The following RALYL variants were observed in gnomAD, a reference collection of about 807,000 sequenced individuals.
RALYL encodes RALY RNA binding protein like.
RALYL carries 29 observed loss-of-function variants against 35.1 expected under a neutral mutation model. The ratio of observed to expected loss-of-function variants is 0.83; its 90% CI spans 0.61 to 1.13. The LOEUF is 1.13. Among genes scored for constraint, RALYL ranks in the 50% most tolerant of loss-of-function variants. The pLI is 0.00. For missense variants in RALYL, 359 were observed against 360.4 expected (o/e 1.00, Z 0.03); for synonymous variants, 120 against 127.6 (o/e 0.94, Z 0.40).
At chr8:84,235,870 G>A (rs1034308413) in intron 1 of RALYL, among the ~76,000 whole-genome samples, 6 of 149,866 alleles carry the variant, frequency 4.0e-5, no homozygotes, top group East Asian at 2.0e-4. Flanking sequence ...TGGTTCAAGC[G>A]ATTCTCCTGC....
chr8:84,233,020 A>G (rs1476401339), intron 1 of RALYL, among the ~76,000 whole-genome samples: 4 of 151,916 alleles, frequency 2.6e-5, no homozygotes, highest in Non-Finnish European at 4.4e-5. Context: ...TTGCTTTGCC[A>G]TCCAGACTAG....
chr8:84,600,637 C>A (rs1588438505), intron 2 of RALYL, among the ~76,000 whole-genome samples: 1 of 152,112 alleles, frequency 6.6e-6, no homozygotes, highest in Non-Finnish European at 1.5e-5. Flanking sequence ...GGACTCTGTG[C>A]ACAGCCCATC....
At chr8:84,877,911 T>TAAAG in intron 7 of RALYL, among the ~76,000 whole-genome samples, 1 of 152,272 alleles carries the variant, frequency 6.6e-6, no homozygotes, top group East Asian at 1.9e-4. Context: ...TGCTTCCGGT[T>TAAAG]AAAGATGATG....
At chr8:84,680,567 T>C (rs1835238295) in intron 2 of RALYL, among the ~76,000 whole-genome samples, 1 of 152,188 alleles carries the variant, frequency 6.6e-6, no homozygotes, top group African/African-American at 2.4e-5. Flanking sequence ...GGTATCTCAT[T>C]GTGGTTTTGA....
intron 1 of RALYL, among the ~76,000 whole-genome samples, chr8:84,445,662 A>G (rs2048774215): frequency 6.6e-6 from 1 of 151,508 alleles, no homozygotes. Flanking sequence ...ATAATGAATT[A>G]TATTATAACA....
At chr8:84,434,408 C>CT (rs1354412372) in intron 1 of RALYL, among the ~76,000 whole-genome samples, 39 of 152,064 alleles carry the variant, frequency 2.6e-4, no homozygotes, top group Admixed American at 7.2e-4. Context: ...AGATTCTTAG[C>CT]TAAGGAACTA....
At chr8:84,358,175 C>G (rs534174224) in intron 1 of RALYL, among the ~76,000 whole-genome samples, 1 of 151,898 alleles carries the variant, frequency 6.6e-6, no homozygotes, top group East Asian at 1.9e-4. Flanking sequence ...ATATTTTATT[C>G]ATTGTTTTTT....
At chr8:84,327,560 T>A (rs1207139993) in intron 1 of RALYL, among the ~76,000 whole-genome samples, 1 of 152,152 alleles carries the variant, frequency 6.6e-6, no homozygotes, top group Non-Finnish European at 1.5e-5. Flanking sequence ...CACAATCACA[T>A]CCAGTTGTTT....
chr8:84,282,317 G>A (rs1322686575), intron 1 of RALYL, among the ~76,000 whole-genome samples: 1 of 151,572 alleles, frequency 6.6e-6, no homozygotes, highest in African/African-American at 2.4e-5. Flanking sequence ...CCAGGTCAGG[G>A]GTCCTTATTA....
chr8:84,461,208 A>G (rs2050733524), intron 1 of RALYL, among the ~76,000 whole-genome samples: 1 of 151,572 alleles, frequency 6.6e-6, no homozygotes, highest in African/African-American at 2.4e-5. Context: ...ATAGTTTGCA[A>G]TGAAATATAA....
chr8:84,281,761 C>A (rs1292109603), intron 1 of RALYL, among the ~76,000 whole-genome samples: 1 of 146,176 alleles, frequency 6.8e-6, no homozygotes, highest in Admixed American at 6.7e-5. Context: ...TGTGTGTGCA[C>A]CCATGTATAT....
intron 2 of RALYL, among the ~76,000 whole-genome samples, chr8:84,757,538 A>C (rs1294280819): frequency 6.6e-6 from 1 of 152,162 alleles, no homozygotes; most frequent in East Asian, 1.9e-4. Flanking sequence ...TTAGCTATGC[A>C]GGGGCGGCGA....
At chr8:84,620,487 A>G (rs2131056033) in intron 2 of RALYL, among the ~76,000 whole-genome samples, 1 of 152,118 alleles carries the variant, frequency 6.6e-6, no homozygotes, top group East Asian at 1.9e-4. Context: ...TTCTAGTTAT[A>G]CATTCTTCTA....
At chr8:84,655,698 A>AT (rs1194779638) in intron 2 of RALYL, among the ~76,000 whole-genome samples, 2 of 151,564 alleles carry the variant, frequency 1.3e-5, no homozygotes, top group Admixed American at 6.6e-5. Flanking sequence ...TGTCAAATGG[A>AT]TTTTTTGTTT....
chr8:84,725,662 A>G (rs1411679674), intron 2 of RALYL, among the ~76,000 whole-genome samples: 1 of 151,650 alleles, frequency 6.6e-6, no homozygotes, highest in African/African-American at 2.4e-5. Flanking sequence ...GAGCCCTTCA[A>G]TTTAGAAATA....
chr8:84,366,792 G>A (rs1424095022), intron 1 of RALYL, among the ~76,000 whole-genome samples: 23 of 77,666 alleles, frequency 3.0e-4, no homozygotes, highest in East Asian at 1.0e-3. Flanking sequence ...AAAAAAAAAA[G>A]GGTATCCTGG....
At chr8:84,555,153 C>G (rs1012694286) in intron 2 of RALYL, among the ~76,000 whole-genome samples, 2 of 152,138 alleles carry the variant, frequency 1.3e-5, no homozygotes, top group African/African-American at 4.8e-5. Flanking sequence ...GTGGCACACG[C>G]CTGTAATCCC....
chr8:84,754,682 T>C (rs930486531), intron 2 of RALYL, among the ~76,000 whole-genome samples: 1 of 151,016 alleles, frequency 6.6e-6, no homozygotes, highest in African/African-American at 2.4e-5. Flanking sequence ...AGTTCACAAC[T>C]ATTGCATGCT....
intron 1 of RALYL, among the ~76,000 whole-genome samples, chr8:84,405,353 T>G (rs112383255): frequency 0.028 from 4,294 of 152,070 alleles, 196 homozygotes; most frequent in African/African-American, 0.098. Flanking sequence ...AAGAAATAAT[T>G]AAGATCAGAG....
Sources: allele counts gnomAD v4.1 joint callset (sites outside exome capture counted in the v4.1 genomes callset), GRCh38; gene constraint gnomAD v4.1.1; transcripts MANE v1.5; gene names NCBI Gene and HGNC (gene_info 2026-07-23, HGNC 2026-07-21).